SOX6: variants seen among roughly 807,000 people sequenced by gnomAD.
SOX6 encodes the protein transcription factor SOX-6.
Under a neutral mutation model 97.8 loss-of-function variants are expected in SOX6, and 11 were observed. The ratio of observed to expected loss-of-function variants is 0.11; its 90% CI spans 0.07 to 0.19. The LOEUF (loss-of-function observed/expected upper bound fraction) is 0.19, where lower values mean the gene tolerates loss of function less well. Ranked by LOEUF, SOX6 falls within the 10% of genes least tolerant of loss-of-function variation. SOX6 has a pLI of 1.00. For missense variants in SOX6, 810 were observed against 1,039.5 expected, an observed-to-expected ratio of 0.78 and a Z score of 3.04; for synonymous variants, 360 against 371.4, an observed-to-expected ratio of 0.97 and a Z score of 0.35.
chr11:16,708,565 T>C (rs1418858001), intron 3 of SOX6, among the ~76,000 whole-genome samples: 2 of 152,224 alleles, frequency 1.3e-5, no homozygotes, highest in African/African-American at 4.8e-5. Flanking sequence ...AGGAAGTATT[T>C]TGCATTATTA....
At chr11:16,520,973 C>G (rs545191081) in intron 4 of SOX6, among the ~76,000 whole-genome samples, 2 of 152,158 alleles carry the variant, frequency 1.3e-5, no homozygotes, top group Admixed American at 6.5e-5. Context: ...ACAAAGCAGC[C>G]GGGAAGCTCG....
At chr11:16,702,542 G>A (rs1848102723) in intron 3 of SOX6, among the ~76,000 whole-genome samples, 2 of 152,136 alleles carry the variant, frequency 1.3e-5, no homozygotes, top group African/African-American at 2.4e-5. Flanking sequence ...TACTCTGTAT[G>A]TTTTCTGAGT....
At chr11:15,991,861 T>C (rs962302364) in intron 13 of SOX6, among the ~76,000 whole-genome samples, 11 of 152,130 alleles carry the variant, frequency 7.2e-5, no homozygotes, top group African/African-American at 2.4e-4. Context: ...GCCCAATCTC[T>C]CTCCCACACA....
intron 1 of SOX6, among the ~76,000 whole-genome samples, chr11:16,400,595 TA>T (rs1281723556): frequency 6.6e-6 from 1 of 151,406 alleles, no homozygotes; most frequent in East Asian, 1.9e-4. Flanking sequence ...ACTATTAACA[TA>T]AAAAAATCAA....
At chr11:16,728,926 T>A (rs1053943467) in intron 2 of SOX6, among the ~76,000 whole-genome samples, 2 of 152,104 alleles carry the variant, frequency 1.3e-5, no homozygotes, top group Non-Finnish European at 2.9e-5. Context: ...GAAAACTTCA[T>A]GAAGCATACA....
chr11:16,512,712 C>T (rs1860898003), intron 4 of SOX6, among the ~76,000 whole-genome samples: 1 of 152,126 alleles, frequency 6.6e-6, no homozygotes, highest in Non-Finnish European at 1.5e-5. Flanking sequence ...AAATTACTGA[C>T]ACACTAAAGA....
At chr11:16,413,692 T>C (rs906076391) in intron 1 of SOX6, among the ~76,000 whole-genome samples, 2 of 151,766 alleles carry the variant, frequency 1.3e-5, no homozygotes, top group African/African-American at 4.8e-5. Context: ...AGCAAATTTT[T>C]GTATTTTTAG....
chr11:16,029,032 C>A (rs749041554), intron 12 of SOX6, among the ~76,000 whole-genome samples: 70 of 152,134 alleles, frequency 4.6e-4, no homozygotes, highest in Admixed American at 3.2e-3. Flanking sequence ...GTAGCGACTG[C>A]ACCAACTTTA....
chr11:16,016,777 G>T (rs946405078), intron 12 of SOX6, among the ~76,000 whole-genome samples: 2 of 151,986 alleles, frequency 1.3e-5, no homozygotes, highest in African/African-American at 4.8e-5. Flanking sequence ...ACATTGTTTC[G>T]CATTTCAAAT....
intron 4 of SOX6, among the ~76,000 whole-genome samples, 164 bp from the exon 5 acceptor site, chr11:16,187,119 A>G (rs1851500617): frequency 6.6e-6 from 1 of 152,118 alleles, no homozygotes; most frequent in Admixed American, 6.6e-5. Flanking sequence ...TAATTACAGC[A>G]GTGGAATGAA....
intron 14 of SOX6, among the ~76,000 whole-genome samples, chr11:15,988,303 A>C (rs528341219): frequency 6.6e-6 from 1 of 152,356 alleles, no homozygotes; most frequent in East Asian, 1.9e-4. Flanking sequence ...CAAGCTCTAC[A>C]CTAATAGAAC....
At chr11:16,014,863 T>G (rs1474994039) in intron 13 of SOX6, 79 bp downstream of exon 13, 1 of 1,357,152 alleles carries the variant, frequency 7.4e-7, no homozygotes, top group Non-Finnish European at 1.0e-6. Flanking sequence ...TGAAAAACTA[T>G]AAAGATCCTA....
chr11:16,059,515 T>C (rs1847895793), intron 9 of SOX6, among the ~76,000 whole-genome samples: 1 of 151,948 alleles, frequency 6.6e-6, no homozygotes, highest in African/African-American at 2.4e-5. Flanking sequence ...TAAAAAAAAT[T>C]ACAGTAATCA....
intron 14 of SOX6, among the ~76,000 whole-genome samples, 190 bp from the exon 15 acceptor site, chr11:15,986,610 C>T (rs1328502969): frequency 6.6e-6 from 1 of 152,156 alleles, no homozygotes; most frequent in Non-Finnish European, 1.5e-5. Context: ...ATGATACTTT[C>T]TTGTGTTATT....
intron 4 of SOX6, among the ~76,000 whole-genome samples, chr11:16,513,199 G>A (rs1860907165): frequency 2.6e-5 from 4 of 152,150 alleles, no homozygotes; most frequent in African/African-American, 9.7e-5. Context: ...GGTTTTTTCT[G>A]ATCCCAAACT....
rs1848279576 is a variant in SOX6 at position 16,602,275 on chromosome 11, G to A, written n.609+9806C>T. Among the ~76,000 whole-genome samples the A allele has an allele frequency of 1.3e-5, 2 of 152,162 alleles. 1 individual carries two copies. The highest frequency in any genetic ancestry group is 4.1e-4 in the South Asian group (2 of 4,824). On this transcript the variant is annotated intron_variant and non_coding_transcript_variant, in intron 4 of 5. Coordinates refer to the SOX6 transcript ENST00000524520. ...TGGTGGACAAGAGAAGAGAAACGAGGTGTTGGTGATACATGAGAAAAGCAA... is the reference window on the plus strand; with the variant it reads ...TGGTGGACAAGAGAAGAGAAACGAGATGTTGGTGATACATGAGAAAAGCAA...
intron 3 of SOX6, among the ~76,000 whole-genome samples, chr11:16,250,821 A>G (rs1233591174): frequency 6.6e-6 from 1 of 152,078 alleles, no homozygotes; most frequent in Non-Finnish European, 1.5e-5. Flanking sequence ...ACTTACATTA[A>G]CTAATTCACA....
At chr11:16,583,603 G>GTATATATATACATATATA (rs1848052012) in intron 4 of SOX6, among the ~76,000 whole-genome samples, 5 of 22,676 alleles carry the variant, frequency 2.2e-4, no homozygotes, top group South Asian at 2.5e-3. Flanking sequence ...GTATATATGT[G>GTATATATATACATATATA]TATATATATA....
intron 4 of SOX6, among the ~76,000 whole-genome samples, chr11:16,542,255 A>G (rs2133178403): frequency 6.6e-6 from 1 of 152,232 alleles, no homozygotes; most frequent in Middle Eastern, 3.4e-3. Flanking sequence ...ATAGGTGGGA[A>G]CTGAATGATG....
Sources: allele counts gnomAD v4.1 joint callset (sites outside exome capture counted in the v4.1 genomes callset), GRCh38; gene constraint gnomAD v4.1.1; transcripts MANE v1.5; gene names NCBI Gene and HGNC (gene_info 2026-07-23, HGNC 2026-07-21).